The following MAST4 variants were observed in gnomAD, a reference collection of about 807,000 sequenced individuals.
The protein encoded by MAST4 is microtubule associated serine/threonine kinase family member 4.
A neutral mutation model predicts 162.7 loss-of-function variants in MAST4; 89 were observed. That is an observed-to-expected ratio of 0.55 (90% CI 0.46 to 0.65). MAST4 has a LOEUF of 0.65. Among genes scored for constraint, MAST4 ranks in the 30% least tolerant of loss-of-function variants. MAST4 has a pLI of 0.00. For missense variants in MAST4, 3,153 were observed against 3,374.0 expected (o/e 0.93, Z 1.62); for synonymous variants, 1,479 against 1,361.1 (o/e 1.09, Z -1.91).
intron 1 of MAST4, among the ~76,000 whole-genome samples, chr5:66,663,503 T>G (rs1400192040): frequency 6.6e-6 from 1 of 152,164 alleles, no homozygotes; most frequent in Admixed American, 6.5e-5. Flanking sequence ...GGAAGTATCC[T>G]TGAGATGATA....
intron 4 of MAST4, chr5:67,004,797 A>G (rs970178395): frequency 1.8e-6 from 1 of 557,848 alleles, no homozygotes; most frequent in Admixed American, 3.0e-5. Context: ...ATTAAAGGCT[A>G]GGACGGGACG....
At chr5:67,157,725 C>T (rs909501314) in intron 26 of MAST4, among the ~76,000 whole-genome samples, 3 of 152,142 alleles carry the variant, frequency 2.0e-5, no homozygotes, top group African/African-American at 7.2e-5. Context: ...ATGGGCTTTT[C>T]CACTGGACTC....
intron 1 of MAST4, among the ~76,000 whole-genome samples, chr5:66,706,858 CATT>C (rs1345151590): frequency 6.6e-6 from 1 of 152,090 alleles, no homozygotes; most frequent in Non-Finnish European, 1.5e-5. Context: ...TTTTAGGCCT[CATT>C]AGAATGTTTA....
intron 26 of MAST4, among the ~76,000 whole-genome samples, chr5:67,159,548 G>T (rs1772948416): frequency 6.6e-6 from 1 of 152,152 alleles, no homozygotes; most frequent in Admixed American, 6.5e-5. Flanking sequence ...CCTTTAAAAA[G>T]ATCCTTTTCC....
intron 3 of MAST4, among the ~76,000 whole-genome samples, chr5:66,818,070 A>T (rs79259698): frequency 0.039 from 5,901 of 152,284 alleles, 177 homozygotes; most frequent in South Asian, 0.13. Context: ...TTTAAAGACA[A>T]CATTTAATAG....
intron 1 of MAST4, among the ~76,000 whole-genome samples, chr5:66,648,034 A>ATGTGTGTGTG (rs745965169): frequency 8.4e-6 from 1 of 119,074 alleles, no homozygotes; most frequent in Non-Finnish European, 1.7e-5. Flanking sequence ...GTGTTAGGTA[A>ATGTGTGTGTG]TGTGTGTGTG....
chr5:66,758,564 G>A (rs1289786865), intron 1 of MAST4, among the ~76,000 whole-genome samples: 1 of 152,070 alleles, frequency 6.6e-6, no homozygotes, highest in African/African-American at 2.4e-5. Flanking sequence ...TTACTGATGT[G>A]AGCCACTGCG....
chr5:66,597,514 C>G (rs1742271147), intron 1 of MAST4, among the ~76,000 whole-genome samples: 1 of 148,072 alleles, frequency 6.8e-6, no homozygotes, highest in Non-Finnish European at 1.5e-5. Context: ...GTGGCGCCAG[C>G]CCCCTGGGAT....
chr5:66,643,074 C>T (rs1745590387), intron 1 of MAST4, among the ~76,000 whole-genome samples: 2 of 152,260 alleles, frequency 1.3e-5, no homozygotes, highest in South Asian at 4.1e-4. Context: ...ATATATATGG[C>T]TGACACGCTC....
intron 4 of MAST4, among the ~76,000 whole-genome samples, chr5:67,000,771 T>G: frequency 6.8e-6 from 1 of 147,274 alleles, no homozygotes; most frequent in Non-Finnish European, 1.5e-5. Flanking sequence ...GGGGGTGGCT[T>G]GTGTCAACAG....
intron 2 of MAST4, among the ~76,000 whole-genome samples, chr5:66,765,576 A>C (rs1361798783): frequency 6.6e-6 from 1 of 152,144 alleles, no homozygotes; most frequent in Non-Finnish European, 1.5e-5. Context: ...ACTTCAGGGG[A>C]GTAAAGAATT....
chr5:66,943,233 G>A (rs548730218), intron 4 of MAST4, among the ~76,000 whole-genome samples: 5 of 152,202 alleles, frequency 3.3e-5, no homozygotes, highest in African/African-American at 9.6e-5. Context: ...CATTACCGGT[G>A]AAATGAGGTT....
At chr5:66,672,402 T>G (rs781302447) in intron 1 of MAST4, among the ~76,000 whole-genome samples, 32 of 152,240 alleles carry the variant, frequency 2.1e-4, no homozygotes, top group Non-Finnish European at 4.0e-4. Context: ...GTCATTTTAA[T>G]GTACATCTTT....
chr5:66,755,625 T>C (rs1368097125), intron 1 of MAST4, among the ~76,000 whole-genome samples: 2 of 152,216 alleles, frequency 1.3e-5, no homozygotes, highest in Non-Finnish European at 1.5e-5. Context: ...TGTGCCTTCA[T>C]TTTTACTTTT....
intron 4 of MAST4, among the ~76,000 whole-genome samples, chr5:67,014,194 C>T (rs1288881245): frequency 6.6e-6 from 1 of 152,086 alleles, no homozygotes; most frequent in Non-Finnish European, 1.5e-5. Context: ...AACCCAAAAA[C>T]TGGTTTATTG....
intron 4 of MAST4, among the ~76,000 whole-genome samples, chr5:66,980,210 A>C (rs2150234005): frequency 6.6e-6 from 1 of 152,358 alleles, no homozygotes; most frequent in East Asian, 1.9e-4. Flanking sequence ...CCAGGGGTCA[A>C]GGATGGCCTG....
chr5:66,680,231 G>A (rs1228718046), intron 1 of MAST4, among the ~76,000 whole-genome samples: 1 of 152,224 alleles, frequency 6.6e-6, no homozygotes, highest in Non-Finnish European at 1.5e-5. Context: ...CTGGAAGGAT[G>A]TGTTAAATTG....
At chr5:66,773,011 T>C (rs1580415877) in intron 2 of MAST4, among the ~76,000 whole-genome samples, 1 of 152,350 alleles carries the variant, frequency 6.6e-6, no homozygotes, top group East Asian at 1.9e-4. Flanking sequence ...TCAGAGCTGC[T>C]GGTAGGTGTC....
chr5:66,852,924 G>C (rs1368307094), intron 3 of MAST4, among the ~76,000 whole-genome samples: 1 of 152,194 alleles, frequency 6.6e-6, no homozygotes, highest in African/African-American at 2.4e-5. Flanking sequence ...GTAGGATCCT[G>C]TTTGAAAGTG....
Sources: gnomAD v4.1 joint callset for allele counts (sites outside exome capture counted in the v4.1 genomes callset) on GRCh38, gnomAD v4.1.1 for gene constraint, MANE v1.5 for transcripts, NCBI Gene and HGNC (gene_info 2026-07-23, HGNC 2026-07-21) for gene names.